SDR42E1: variants seen among roughly 807,000 people sequenced by gnomAD.
The protein encoded by SDR42E1 is short-chain dehydrogenase/reductase family 42E member 1.
Under a neutral mutation model 2.6 loss-of-function variants are expected in SDR42E1, and 5 were observed. The observed-to-expected ratio is 1.94, with a 90% CI of 1.01 to 4.08. SDR42E1 has a LOEUF of 4.08. Among genes scored for constraint, SDR42E1 ranks in the 30% most tolerant of loss-of-function variants. SDR42E1 has a pLI of 0.00. For synonymous variants in SDR42E1, 231 were observed against 188.3 expected (o/e 1.23, Z -1.86); for missense variants, 596 against 478.6 (o/e 1.25, Z -2.29).
chr16:81,992,872 G>C lies in SDR42E1; in HGVS notation c.*6239C>G, dbSNP rs1317707064. On this transcript the variant is annotated 3_prime_UTR_variant, in exon 3 of 3. Transcript: ENST00000328945. The stretch of plus-strand genomic sequence containing the variant: ...TGTGCCCAGGTTCTAAAATACAGAA[G>C]GGTAACATGGTATGAATTTGCACAA... The C allele has an allele frequency of 6.6e-6, 1 of 152,070 alleles. No individual in the cohort carries two copies. The highest frequency in any genetic ancestry group is 1.5e-5 in the Non-Finnish European group (1 of 68,026). The allele number at this position is 152,070 out of a possible 1,614,324, so 9.4% of individuals were successfully genotyped here.
At chr16:82,011,048 A>C (rs75504058) in intron 1 of SDR42E1, among the ~76,000 whole-genome samples, 99 of 152,352 alleles carry the variant, frequency 6.5e-4, no homozygotes, top group African/African-American at 2.3e-3. Context: ...AAGAGGAGGT[A>C]ATCGTTCTCC....
At chr16:82,011,084 G>A (rs1301093190) in intron 1 of SDR42E1, among the ~76,000 whole-genome samples, 1 of 152,216 alleles carries the variant, frequency 6.6e-6, no homozygotes, top group Non-Finnish European at 1.5e-5. Flanking sequence ...ATCAAAGACA[G>A]GAATCAAGTA....
Position 81,993,010 on chromosome 16 carries a change from G to T in SDR42E1, c.*6101C>A, listed in dbSNP as rs1343888190. On this transcript the variant is annotated 3_prime_UTR_variant, in exon 3 of 3. Transcript: ENST00000328945. ...AGGCACAACAAGATGTGTTGCCAAA[G>T]AATCCCTTTGGCTCAAGAAAAAGAG... 1 of 152,136 alleles carries T rather than the reference G, an allele frequency of 6.6e-6. No individual in the cohort carries two copies. The highest frequency in any genetic ancestry group is 6.5e-5 in the Admixed American group (1 of 15,280). 9.4% of individuals were successfully genotyped at this position (152,136 alleles called of 1,614,324 possible).
At chr16:82,006,106 G>C (rs1478608704) in intron 1 of SDR42E1, among the ~76,000 whole-genome samples, 1 of 152,112 alleles carries the variant, frequency 6.6e-6, no homozygotes, top group African/African-American at 2.4e-5. Context: ...GTATCATAAT[G>C]CAATATAGAA....
chr16:81,998,716 G>C lies in SDR42E1; in HGVS notation c.*395C>G, dbSNP rs1441433392. The C allele has an allele frequency of 5.3e-6, 1 of 190,020 alleles. No homozygotes were observed. The highest frequency in any genetic ancestry group is 1.1e-5 in the Non-Finnish European group (1 of 92,380). The allele number at this position is 190,020 out of a possible 1,614,324, so 11.8% of individuals were successfully genotyped here. A position where few individuals can be genotyped will look rare whatever the true frequency, so the allele number is the denominator to read the frequency against. On this transcript the variant is annotated 3_prime_UTR_variant, in exon 3 of 3. Transcript: ENST00000328945. The stretch of plus-strand genomic sequence containing the variant: ...TTTTCACACGCATTCAAGCCTGATA[G>C]TGTTTCGCCATTCCCACATCAGTCA...
At position 81,992,250 on chromosome 16, in the gene SDR42E1, T is replaced by G. The variant is rs1912445097; in HGVS notation, c.*6861A>C. 1 of 152,190 alleles carries G rather than the reference T, an allele frequency of 6.6e-6. No homozygotes were observed. The highest frequency in any genetic ancestry group is 1.5e-5 in the Non-Finnish European group (1 of 68,032). 9.4% of individuals were successfully genotyped at this position (152,190 alleles called of 1,614,324 possible). ...ATTAACAATGTTCATCTTTGAGTAA[T>G]TTAGTTAACTAGGGTGACAGGTTAA... On this transcript the variant is annotated 3_prime_UTR_variant, in exon 3 of 3. Transcript: ENST00000328945.
chr16:81,993,306 C>A lies in SDR42E1; in HGVS notation c.*5805G>T, dbSNP rs2143829866. ...TTTAGTATCTGGCACCAGTGCTCAC[C>A]TCCTTGTTGAAAGATAAGAAACACC... On this transcript the variant is annotated 3_prime_UTR_variant, in exon 3 of 3. Coordinates refer to ENST00000328945, the MANE Select transcript of SDR42E1 (RefSeq NM_145168.3). 1 of 152,306 alleles carries A rather than the reference C, an allele frequency of 6.6e-6. No homozygotes were observed. Among genetic ancestry groups the A allele is most frequent in the Non-Finnish European group, 1.5e-5 (1 of 68,040 alleles). 9.4% of individuals were successfully genotyped at this position (152,306 alleles called of 1,614,324 possible).
Position 81,998,858 on chromosome 16 carries a change from C to A in SDR42E1, c.*253G>T, listed in dbSNP as rs1409168288. On this transcript the variant is annotated 3_prime_UTR_variant, in exon 3 of 3. Coordinates refer to ENST00000328945, the MANE Select transcript of SDR42E1 (RefSeq NM_145168.3). ...GCCTACTTCTATGGCTCCAAACTGA[C>A]TTCTATTGTACCCACCTAAAACAGA... 1 of 481,528 alleles carries A rather than the reference C, an allele frequency of 2.1e-6. No individual in the cohort carries two copies. The highest frequency in any genetic ancestry group is 3.1e-5 in the South Asian group (1 of 32,416). The allele number at this position is 481,528 out of a possible 1,614,324, so 29.8% of individuals were successfully genotyped here.
At position 81,990,339 on chromosome 16, in the gene SDR42E1, C is replaced by G. The variant is rs1008927953; in HGVS notation, c.*8772G>C. On this transcript the variant is annotated 3_prime_UTR_variant, in exon 3 of 3. Coordinates refer to ENST00000328945, the MANE Select transcript of SDR42E1 (RefSeq NM_145168.3). ...AAAGCCACGGTAAATAAACTAATAC[C>G]TGTTATATGGCAGGAAATCAATGAA... The G allele has an allele frequency of 2.0e-5, 3 of 152,230 alleles. No homozygotes were observed. Among genetic ancestry groups the G allele is most frequent in the African/African-American group, 7.2e-5 (3 of 41,454 alleles). The allele number at this position is 152,230 out of a possible 1,614,324, so 9.4% of individuals were successfully genotyped here.
chr16:82,009,062 G>A (rs1258288827), intron 1 of SDR42E1, among the ~76,000 whole-genome samples: 1 of 152,038 alleles, frequency 6.6e-6, no homozygotes, highest in Non-Finnish European at 1.5e-5. Flanking sequence ...GCGGTGTTAA[G>A]CCTGTGGGTA....
At chr16:82,010,423 G>T (rs998445842) in intron 1 of SDR42E1, among the ~76,000 whole-genome samples, 1 of 152,134 alleles carries the variant, frequency 6.6e-6, no homozygotes, top group African/African-American at 2.4e-5. Context: ...ATTCGCTTAG[G>T]TCATTATCTT....
chr16:82,011,210 C>T (rs987218100), intron 1 of SDR42E1, among the ~76,000 whole-genome samples, 177 bp downstream of exon 1: 6 of 152,164 alleles, frequency 3.9e-5, no homozygotes, highest in African/African-American at 1.4e-4. Context: ...AAGCTGCGCC[C>T]GGTCCCCTGG....
In SDR42E1 at chr16:81,999,947, G is replaced by A. The variant is rs1912692295; in HGVS notation, c.346C>T (p.Pro116Ser). Reference sequence around the variant, plus strand: ...AAAGTGCTGGTGTAAACTAACCTGGGCACCCTTCTCCTTTGGCAAACCTGG... The same window carrying A: ...AAAGTGCTGGTGTAAACTAACCTGGACACCCTTCTCCTTTGGCAAACCTGG... Reference protein sequence around the residue: ...ILQVCQRRRVPRLVYTSTFNV... With the variant: ...ILQVCQRRRVSRLVYTSTFNV... Residue 116 changes from proline to serine, a missense_variant, in exon 3 of 3, where the codon CCC (proline) becomes TCC (serine). Physicochemically the swap from Pro to Ser is moderately conservative, Grantham distance 74. Coordinates refer to ENST00000328945, the MANE Select transcript of SDR42E1 (RefSeq NM_145168.3). The A allele has an allele frequency of 1.2e-6, 2 of 1,614,196 alleles. No individual in the cohort carries two copies. Among genetic ancestry groups the A allele is most frequent in the African/African-American group, 1.3e-5 (1 of 75,046 alleles).
In SDR42E1 at chr16:81,993,929, T is replaced by C. The variant is rs2143831250; in HGVS notation, c.*5182A>G. Reference sequence around the variant, plus strand: ...ATCAATCTCATTTTTTAAGAAAAACTCCAGCAAATGTTAAATTACCCAGGG... The same window carrying C: ...ATCAATCTCATTTTTTAAGAAAAACCCCAGCAAATGTTAAATTACCCAGGG... On this transcript the variant is annotated 3_prime_UTR_variant, in exon 3 of 3. Coordinates refer to ENST00000328945, the MANE Select transcript of SDR42E1 (RefSeq NM_145168.3). 6.6e-6 allele frequency: 1 copy of C among 152,216 alleles called. No individual in the cohort carries two copies. The highest frequency in any genetic ancestry group is 2.1e-4 in the South Asian group (1 of 4,816). 9.4% of individuals were successfully genotyped at this position (152,216 alleles called of 1,614,324 possible).
rs1912489118 is a variant in SDR42E1 at position 81,994,143 on chromosome 16, A to G, written c.*4968T>C. 6.6e-6 allele frequency: 1 copy of G among 152,190 alleles called. No individual in the cohort carries two copies. Among genetic ancestry groups the G allele is most frequent in the Non-Finnish European group, 1.5e-5 (1 of 68,042 alleles). The allele number at this position is 152,190 out of a possible 1,614,324, so 9.4% of individuals were successfully genotyped here. A position where few individuals can be genotyped will look rare whatever the true frequency, so the allele number is the denominator to read the frequency against. On this transcript the variant is annotated 3_prime_UTR_variant, in exon 3 of 3. Coordinates refer to ENST00000328945, the MANE Select transcript of SDR42E1 (RefSeq NM_145168.3). The stretch of plus-strand genomic sequence containing the variant: ...TTAAGCAGAAAAGAAAGTGAACTGA[A>G]GACTCACGTGAGAGGACGATCTGGA...
intron 1 of SDR42E1, among the ~76,000 whole-genome samples, chr16:82,005,181 A>G (rs1912894189): frequency 6.6e-6 from 1 of 152,210 alleles, no homozygotes; most frequent in Non-Finnish European, 1.5e-5. Flanking sequence ...TAGGTCAATC[A>G]TGGTTCATGT....
chr16:82,005,225 G>A (rs1001177740), intron 1 of SDR42E1, among the ~76,000 whole-genome samples: 2 of 152,188 alleles, frequency 1.3e-5, no homozygotes, highest in African/African-American at 4.8e-5. Flanking sequence ...TACAACTTCG[G>A]ATTATTAATG....
At position 81,993,987 on chromosome 16, in the gene SDR42E1, G is replaced by A. The variant is rs1035454762; in HGVS notation, c.*5124C>T. On this transcript the variant is annotated 3_prime_UTR_variant, in exon 3 of 3. Transcript: ENST00000328945. Reference sequence around the variant, plus strand: ...GACGACCCCCGTTTGAAAGAAAGAGGGCACAGAGGTGAGTGGAGAGGCTGC... The same window carrying A: ...GACGACCCCCGTTTGAAAGAAAGAGAGCACAGAGGTGAGTGGAGAGGCTGC... The A allele has an allele frequency of 3.3e-5, 5 of 152,162 alleles. No homozygotes were observed. The highest frequency in any genetic ancestry group is 7.3e-5 in the Non-Finnish European group (5 of 68,032). The allele number at this position is 152,162 out of a possible 1,614,324, so 9.4% of individuals were successfully genotyped here.
At position 81,989,630 on chromosome 16, in the gene SDR42E1, T is replaced by C. The variant is rs1227116030; in HGVS notation, c.*9481A>G. The C allele has an allele frequency of 6.6e-6, 1 of 152,226 alleles. No individual in the cohort carries two copies. Among genetic ancestry groups the C allele is most frequent in the Non-Finnish European group, 1.5e-5 (1 of 68,040 alleles). The allele number at this position is 152,226 out of a possible 1,614,324, so 9.4% of individuals were successfully genotyped here. On this transcript the variant is annotated 3_prime_UTR_variant, in exon 3 of 3. Coordinates refer to ENST00000328945, the MANE Select transcript of SDR42E1 (RefSeq NM_145168.3). ...GAGAGGCATAGATGCCTACTTGTTC[T>C]CTAGCATGGTGTAATTGACTCTGCA...
Sources: gnomAD v4.1 joint callset for allele counts (sites outside exome capture counted in the v4.1 genomes callset) on GRCh38, gnomAD v4.1.1 for gene constraint, MANE v1.5 for transcripts, NCBI Gene and HGNC (gene_info 2026-07-23, HGNC 2026-07-21) for gene names.